The following NKIRAS1 variants were observed in gnomAD, a reference collection of about 807,000 sequenced individuals.
NKIRAS1 encodes the protein NFKB inhibitor interacting Ras like 1, also known as NF-kappa-B inhibitor-interacting Ras-like protein 1.
A neutral mutation model predicts 19.8 loss-of-function variants in NKIRAS1; 16 were observed. The ratio of observed to expected loss-of-function variants is 0.81; its 90% CI spans 0.55 to 1.23. The LOEUF (loss-of-function observed/expected upper bound fraction) is 1.23. NKIRAS1 is among the 50% of genes most tolerant of loss of function. NKIRAS1 has a pLI of 0.00. For missense variants in NKIRAS1, 184 were observed against 220.0 expected (o/e 0.84, Z 1.04); for synonymous variants, 88 against 79.0 (o/e 1.11, Z -0.61).
At position 23,893,040 on chromosome 3, in the gene NKIRAS1, A is replaced by T; in HGVS notation, c.*55T>A. Reference sequence around the variant, plus strand: ...TAAATAGTAATATTACTCCATGTTCACAGACACTTAAAGGCAATCACTATT... The same window carrying T: ...TAAATAGTAATATTACTCCATGTTCTCAGACACTTAAAGGCAATCACTATT... On this transcript the variant is annotated 3_prime_UTR_variant, in exon 5 of 5. Coordinates refer to ENST00000425478, the MANE Select transcript of NKIRAS1 (RefSeq NM_020345.4). 2 of 1,485,150 alleles carry T rather than the reference A, an allele frequency of 1.3e-6. No homozygotes were observed. Among genetic ancestry groups the T allele is most frequent in the Non-Finnish European group, 1.8e-6 (2 of 1,116,796 alleles). The allele number at this position is 1,485,150 out of a possible 1,614,324, so 92.0% of individuals were successfully genotyped here. A position where few individuals can be genotyped will look rare whatever the true frequency, so the allele number is the denominator to read the frequency against.
chr3:23,900,858 T>C lies in NKIRAS1; in HGVS notation c.286A>G (p.Arg96Gly). The C allele has an allele frequency of 1.2e-6, 2 of 1,613,704 alleles. No homozygotes were observed. The highest frequency in any genetic ancestry group is 1.7e-6 in the Non-Finnish European group (2 of 1,179,600). Residue 96 changes from arginine (R) to glycine (G), a missense_variant, in exon 4 of 5, where the codon AGA becomes GGA. Arg to Gly is a moderately radical substitution (Grantham distance 125). Transcript: ENST00000425478. Reference sequence around the variant, plus strand: ...ATTTCTTTCTTCAGAAGCTCCACTCTTTGAAAGGATTCAAGGTTATTCACA... The same window carrying C: ...ATTTCTTTCTTCAGAAGCTCCACTCCTTGAAAGGATTCAAGGTTATTCACA... Reference protein sequence around the residue: ...YSVNNLESFQRVELLKKEIDK... With the variant: ...YSVNNLESFQGVELLKKEIDK...
chr3:23,909,536 G>C lies in NKIRAS1; in HGVS notation c.94+1275C>G, dbSNP rs997135132. Reference sequence around the variant, plus strand: ...GGTGAGACTCCATCTCAGAAAAACAGAAATGTGCTTTAAGTTACTTGCCAG... The same window carrying C: ...GGTGAGACTCCATCTCAGAAAAACACAAATGTGCTTTAAGTTACTTGCCAG... On this transcript the variant is annotated intron_variant, in intron 3 of 4. Coordinates refer to ENST00000425478, the MANE Select transcript of NKIRAS1 (RefSeq NM_020345.4). Among the ~76,000 whole-genome samples, 5 of 152,162 alleles carry C rather than the reference G, an allele frequency of 3.3e-5. No homozygotes were observed. The East Asian group carries it at 5.8e-4, about 18-fold the overall frequency.
intron 1 of NKIRAS1, among the ~76,000 whole-genome samples, chr3:23,941,217 C>A (rs558493469): frequency 6.6e-6 from 1 of 152,168 alleles, no homozygotes; most frequent in Non-Finnish European, 1.5e-5. Context: ...TAATAGACTT[C>A]ACCTTTCTCT....
intron 1 of NKIRAS1, among the ~76,000 whole-genome samples, chr3:23,912,339 T>A (rs1703828367): frequency 6.6e-6 from 1 of 151,920 alleles, no homozygotes; most frequent in South Asian, 2.1e-4. Flanking sequence ...TAAAAAAATT[T>A]ATAAGAAAAA....
chr3:23,918,801 G>T (rs1031713533), upstream of NKIRAS1: 84 of 582,322 alleles, frequency 1.4e-4, no homozygotes, highest in Non-Finnish European at 2.4e-4. Context: ...CTTTAAAGCG[G>T]CAAGAATATG....
At chr3:23,929,758 C>T (rs1705273413) in intron 1 of NKIRAS1, among the ~76,000 whole-genome samples, 1 of 152,114 alleles carries the variant, frequency 6.6e-6, no homozygotes, top group Non-Finnish European at 1.5e-5. Context: ...TTTCAATGTA[C>T]TTAAAATTTG....
chr3:23,925,667 T>G (rs1705200922), intron 1 of NKIRAS1, among the ~76,000 whole-genome samples: 2 of 143,542 alleles, frequency 1.4e-5, no homozygotes, highest in Admixed American at 1.4e-4. Flanking sequence ...TAAATGTACT[T>G]TTACTCAGTT....
chr3:23,919,890 C>A, upstream of NKIRAS1: 1 of 994,488 alleles, frequency 1.0e-6, no homozygotes, highest in Non-Finnish European at 1.2e-6. Context: ...CAAGTGGCTG[C>A]GTTTTTTTTA....
chr3:23,946,239 C>A, intron 1 of NKIRAS1: 1 of 985,460 alleles, frequency 1.0e-6, no homozygotes, highest in Non-Finnish European at 1.2e-6. Flanking sequence ...GGACGCCGCA[C>A]GCTCTTTTCG....
In NKIRAS1 at chr3:23,891,609, A is replaced by G. The variant is rs1368290029; in HGVS notation, c.*1486T>C. ...AAGTACATGAGAAATGGGTTCCGTC[A>G]TGGATAAATTGGTACCCTGCCTTAG... On this transcript the variant is annotated 3_prime_UTR_variant, in exon 5 of 5. Transcript: ENST00000425478. The G allele has an allele frequency of 2.6e-5, 4 of 152,224 alleles. No individual in the cohort carries two copies. Among genetic ancestry groups the G allele is most frequent in the African/African-American group, 9.6e-5 (4 of 41,454 alleles). The allele number at this position is 152,224 out of a possible 1,614,324, so 9.4% of individuals were successfully genotyped here. A position where few individuals can be genotyped will look rare whatever the true frequency, so the allele number is the denominator to read the frequency against.
upstream of NKIRAS1, chr3:23,918,608 T>A (rs1191623155): frequency 6.2e-7 from 1 of 1,606,996 alleles, no homozygotes; most frequent in Admixed American, 1.7e-5. Context: ...TTATATTGAA[T>A]ACTGCCTGGG....
intron 4 of NKIRAS1, among the ~76,000 whole-genome samples, chr3:23,897,596 G>A (rs1702107796): frequency 6.6e-6 from 1 of 152,132 alleles, no homozygotes; most frequent in African/African-American, 2.4e-5. Flanking sequence ...TGGCTTCACT[G>A]CCGATTCCTG....
upstream of NKIRAS1, chr3:23,919,599 G>A: frequency 1.4e-6 from 2 of 1,424,732 alleles, no homozygotes; most frequent in East Asian, 5.0e-5. Flanking sequence ...GTCTGCAGAT[G>A]TTTCTTGAAT....
intron 1 of NKIRAS1, among the ~76,000 whole-genome samples, chr3:23,932,386 T>C (rs1705333761): frequency 6.6e-6 from 1 of 152,192 alleles, no homozygotes; most frequent in Non-Finnish European, 1.5e-5. Context: ...TAATCTCGCA[T>C]AAGGACTGTT....
At chr3:23,930,622 A>T (rs1185827288) in intron 1 of NKIRAS1, among the ~76,000 whole-genome samples, 1 of 152,162 alleles carries the variant, frequency 6.6e-6, no homozygotes, top group Non-Finnish European at 1.5e-5. Context: ...CTATATATAT[A>T]ATTTCATAAT....
chr3:23,899,829 A>G (rs1484520380), intron 4 of NKIRAS1, among the ~76,000 whole-genome samples: 1 of 152,186 alleles, frequency 6.6e-6, no homozygotes, highest in Non-Finnish European at 1.5e-5. Flanking sequence ...TTTTTTGGTA[A>G]GCCTGAAGAC....
Position 23,934,636 on chromosome 3 carries a change from G to T in NKIRAS1, c.-140+11687C>A, listed in dbSNP as rs538767571. Among the ~76,000 whole-genome samples, 6 of 152,176 alleles carry T rather than the reference G, an allele frequency of 3.9e-5. No individual in the cohort carries two copies. In the East Asian group the frequency reaches 1.2e-3, roughly 29 times the overall value. On this transcript the variant is annotated intron_variant, in intron 1 of 4. Coordinates refer to the NKIRAS1 transcript ENST00000421515. ...TCTGGGCATGCTGGCAGCACTCTCG[G>T]GTCAGCAGGAACTATTTCAACTCAA... is the stretch of plus-strand genomic sequence containing the variant.
intron 1 of NKIRAS1, among the ~76,000 whole-genome samples, chr3:23,937,344 A>AG (rs1705414724): frequency 6.6e-6 from 1 of 150,836 alleles, no homozygotes; most frequent in Admixed American, 6.6e-5. Context: ...AAAAAGAAAA[A>AG]GAAAAAAAGA....
In NKIRAS1 at chr3:23,890,100, T is replaced by C. The variant is rs1164428750; in HGVS notation, c.*2995A>G. ...GTTGCACTGCAACAGCCCCGAAGAC[T>C]TCACAGTATTCACAATGCCGTTAAC... On this transcript the variant is annotated 3_prime_UTR_variant, in exon 5 of 5. Transcript: ENST00000425478. Among the ~76,000 whole-genome samples the C allele has an allele frequency of 6.6e-6, 1 of 152,162 alleles. No individual in the cohort carries two copies. The highest frequency in any genetic ancestry group is 2.4e-5 in the African/African-American group (1 of 41,448).
Sources: gnomAD v4.1 joint callset for allele counts (sites outside exome capture counted in the v4.1 genomes callset) on GRCh38, gnomAD v4.1.1 for gene constraint, MANE v1.5 for transcripts, NCBI Gene and HGNC (gene_info 2026-07-23, HGNC 2026-07-21) for gene names.